The following TMEM178B variants were observed in gnomAD, a reference collection of about 807,000 sequenced individuals.
TMEM178B encodes transmembrane protein 178B.
Under a neutral mutation model 31.0 loss-of-function variants are expected in TMEM178B, and 5 were observed. The observed-to-expected ratio is 0.16, with a 90% CI of 0.08 to 0.34. The LOEUF is 0.34. Ranked by LOEUF, TMEM178B falls within the 10% of genes least tolerant of loss-of-function variation. TMEM178B has a pLI of 1.00. For synonymous variants in TMEM178B, 164 were observed against 164.0 expected, an observed-to-expected ratio of 1.00 and a Z score of 0.00; for missense variants, 275 against 400.3, an observed-to-expected ratio of 0.69 and a Z score of 2.67.
Position 141,479,955 on chromosome 7 carries a change from ATGTGT to A in TMEM178B, c.*9173_*9177del, listed in dbSNP as rs1389303928. The A allele has an allele frequency of 2.0e-5, 3 of 152,220 alleles. No homozygotes were observed. Among genetic ancestry groups the A allele is most frequent in the Non-Finnish European group, 2.9e-5 (2 of 68,034 alleles). 9.4% of individuals were successfully genotyped at this position (152,220 alleles called of 1,614,324 possible). On this transcript the variant is annotated 3_prime_UTR_variant, in exon 4 of 4. Coordinates refer to ENST00000565468, the MANE Select transcript of TMEM178B (RefSeq NM_001195278.2). ...ATTTGTTCTGATATGATGTGAATAA[ATGTGT>A]TGTTTAATCTTAACAAGAATGCTAC... is the stretch of plus-strand genomic sequence containing the variant.
chr7:141,325,908 C>A (rs1799181769), intron 2 of TMEM178B, among the ~76,000 whole-genome samples: 1 of 152,100 alleles, frequency 6.6e-6, no homozygotes, highest in Non-Finnish European at 1.5e-5. Context: ...CTGGGAATAA[C>A]TGAGTATTTT....
At chr7:141,364,848 G>A (rs1005866625) in intron 2 of TMEM178B, among the ~76,000 whole-genome samples, 4 of 152,130 alleles carry the variant, frequency 2.6e-5, no homozygotes, top group African/African-American at 9.7e-5. Context: ...GGGGACTGAG[G>A]ATAATGCCTG....
At chr7:141,507,531 C>A in the TMEM178B span, among the ~76,000 whole-genome samples, 1 of 152,196 alleles carries the variant, frequency 6.6e-6, no homozygotes, top group Non-Finnish European at 1.5e-5. Flanking sequence ...CATCACCATG[C>A]CCAGCTAATT....
Position 141,199,114 on chromosome 7 carries a change from T to C in TMEM178B, c.383-13477T>C, listed in dbSNP as rs181077772. On this transcript the variant is annotated intron_variant, in intron 1 of 3. Coordinates refer to ENST00000565468, the MANE Select transcript of TMEM178B (RefSeq NM_001195278.2). ...CAGACGGAGACAGCTCATTCTTTATTTCCTCTTGTGAAGAAGCGGCTATGT... is the reference window on the plus strand; with the variant it reads ...CAGACGGAGACAGCTCATTCTTTATCTCCTCTTGTGAAGAAGCGGCTATGT... Among the ~76,000 whole-genome samples, 15 of 152,306 alleles carry C rather than the reference T, an allele frequency of 9.8e-5. No homozygotes were observed. In the East Asian group the frequency reaches 2.5e-3, roughly 25 times the overall value.
At chr7:141,408,732 C>A (rs1185412543) in intron 2 of TMEM178B, among the ~76,000 whole-genome samples, 1 of 152,172 alleles carries the variant, frequency 6.6e-6, no homozygotes, top group Non-Finnish European at 1.5e-5. Context: ...GTATGGGGAA[C>A]TGAATAAAGA....
chr7:141,167,645 T>G (rs1298824265), intron 1 of TMEM178B, among the ~76,000 whole-genome samples: 1 of 152,192 alleles, frequency 6.6e-6, no homozygotes, highest in East Asian at 1.9e-4. Flanking sequence ...TTCAATCCCT[T>G]AAAATTTTGT....
intron 2 of TMEM178B, among the ~76,000 whole-genome samples, chr7:141,293,666 T>G (rs913899460): frequency 2.6e-5 from 4 of 152,178 alleles, no homozygotes; most frequent in African/African-American, 4.8e-5. Flanking sequence ...CAGGAACTGC[T>G]TGATGTTGTT....
intron 2 of TMEM178B, among the ~76,000 whole-genome samples, chr7:141,403,033 T>C (rs1800814255): frequency 6.6e-6 from 1 of 152,266 alleles, no homozygotes; most frequent in African/African-American, 2.4e-5. Context: ...GTGGCTGGTA[T>C]AAATTTCATT....
chr7:141,196,213 G>T (rs1156781519), intron 1 of TMEM178B, among the ~76,000 whole-genome samples: 1 of 152,060 alleles, frequency 6.6e-6, no homozygotes, highest in Non-Finnish European at 1.5e-5. Flanking sequence ...TCATGTGAAT[G>T]TGACCACCTT....
chr7:141,404,229 C>T (rs963631046), intron 2 of TMEM178B, among the ~76,000 whole-genome samples: 1 of 152,208 alleles, frequency 6.6e-6, no homozygotes, highest in African/African-American at 2.4e-5. Flanking sequence ...GGCGTGAACC[C>T]AGGAAGCGGA....
intron 1 of TMEM178B, among the ~76,000 whole-genome samples, chr7:141,126,856 AGTGTGTGTGTGTGT>A (rs10600930): frequency 1.0e-3 from 151 of 145,686 alleles, no homozygotes; most frequent in Middle Eastern, 3.5e-3. Context: ...ATCTTCTCAA[AGTGTGTGTGTGTGT>A]GTGTGTGTGT....
intron 1 of TMEM178B, among the ~76,000 whole-genome samples, chr7:141,170,930 T>C (rs1285499191): frequency 9.2e-5 from 14 of 152,132 alleles, no homozygotes; most frequent in Non-Finnish European, 2.1e-4. Context: ...ATCAATGTCA[T>C]GTGACTTACA....
At chr7:141,101,532 T>C (rs1443429927) in intron 1 of TMEM178B, among the ~76,000 whole-genome samples, 1 of 152,226 alleles carries the variant, frequency 6.6e-6, no homozygotes, top group Non-Finnish European at 1.5e-5. Context: ...TCTGAGATGA[T>C]TTGAACTTGG....
At chr7:141,174,440 A>G (rs1946896929) in intron 1 of TMEM178B, among the ~76,000 whole-genome samples, 3 of 152,160 alleles carry the variant, frequency 2.0e-5, no homozygotes, top group Non-Finnish European at 4.4e-5. Flanking sequence ...ATGTGTCTTT[A>G]TAGTAGAATG....
Position 141,437,709 on chromosome 7 carries a change from A to G in TMEM178B, c.598A>G (p.Met200Val). 1 of 1,536,160 alleles carries G rather than the reference A, an allele frequency of 6.5e-7. No individual in the cohort carries two copies. The highest frequency in any genetic ancestry group is 8.7e-7 in the Non-Finnish European group (1 of 1,146,888). Residue 200 changes from methionine to valine, a missense_variant, in exon 3 of 4, where the codon ATG becomes GTG. By Grantham distance (21) the Met-to-Val change is conservative. Transcript: ENST00000565468. ...VLGCCWDRGL[M>V]QYVAGLLFLM... Reference sequence around the variant, plus strand: ...GGGCTGCTGCTGGGACCGAGGCCTTATGCAGTACGTGGCAGGGCTGCTCTT... The same window carrying G: ...GGGCTGCTGCTGGGACCGAGGCCTTGTGCAGTACGTGGCAGGGCTGCTCTT...
chr7:141,248,886 C>T (rs1031899857), intron 2 of TMEM178B, among the ~76,000 whole-genome samples: 3 of 152,290 alleles, frequency 2.0e-5, no homozygotes, highest in East Asian at 1.9e-4. Flanking sequence ...TTAGCTTACT[C>T]GATGACCACT....
At chr7:141,444,320 T>C (rs534820969) in intron 3 of TMEM178B, among the ~76,000 whole-genome samples, 3 of 152,318 alleles carry the variant, frequency 2.0e-5, no homozygotes, top group East Asian at 1.9e-4. Flanking sequence ...ACAATGTCTG[T>C]GCTCTTAATA....
chr7:141,362,172 G>A (rs963639454), intron 2 of TMEM178B, among the ~76,000 whole-genome samples: 5 of 152,184 alleles, frequency 3.3e-5, no homozygotes, highest in Non-Finnish European at 7.3e-5. Context: ...TTTTCAACAG[G>A]CCCCACAGAT....
chr7:141,123,428 C>G (rs1238203925), intron 1 of TMEM178B, among the ~76,000 whole-genome samples: 1 of 152,244 alleles, frequency 6.6e-6, no homozygotes, highest in Non-Finnish European at 1.5e-5. Flanking sequence ...TCCTCTCCTC[C>G]TCATCACATT....
Sources: gnomAD v4.1 joint callset for allele counts (sites outside exome capture counted in the v4.1 genomes callset) on GRCh38, gnomAD v4.1.1 for gene constraint, MANE v1.5 for transcripts, NCBI Gene and HGNC (gene_info 2026-07-23, HGNC 2026-07-21) for gene names.